The following DSCAM variants were observed in gnomAD, a reference collection of about 807,000 sequenced individuals.
The protein encoded by DSCAM is cell adhesion molecule DSCAM.
A neutral mutation model predicts 217.7 loss-of-function variants in DSCAM; 47 were observed. The observed-to-expected ratio is 0.22, with a 90% CI of 0.17 to 0.28. The LOEUF is 0.28. Ranked by LOEUF, DSCAM falls within the 10% of genes least tolerant of loss-of-function variation. The pLI is 1.00. For synonymous variants in DSCAM, 1,056 were observed against 1,015.3 expected (o/e 1.04, Z -0.76); for missense variants, 2,080 against 2,618.3 (o/e 0.79, Z 4.49).
At chr21:40,178,108 T>C (rs562935633) in intron 15 of DSCAM, among the ~76,000 whole-genome samples, 2 of 152,304 alleles carry the variant, frequency 1.3e-5, no homozygotes, top group Admixed American at 1.3e-4. Context: ...AGTGGCTTCC[T>C]CTCCTCCTGC....
chr21:40,092,192 C>T (rs950280658), intron 21 of DSCAM, among the ~76,000 whole-genome samples: 15 of 152,162 alleles, frequency 9.9e-5, no homozygotes, highest in Admixed American at 9.8e-4. Flanking sequence ...ACCCTCCATA[C>T]TCCCTTCTTC....
At chr21:40,301,925 T>C (rs1344602301) in intron 9 of DSCAM, among the ~76,000 whole-genome samples, 9 of 152,058 alleles carry the variant, frequency 5.9e-5, no homozygotes, top group Non-Finnish European at 7.4e-5. Context: ...GACAGCCTCA[T>C]AGGAGGACTC....
chr21:40,826,422 G>A (rs2091969620), intron 1 of DSCAM, among the ~76,000 whole-genome samples: 1 of 152,230 alleles, frequency 6.6e-6, no homozygotes, highest in Admixed American at 6.5e-5. Flanking sequence ...TGTAGGCAAT[G>A]CTGTGTTTAT....
chr21:40,138,815 T>C lies in DSCAM; in HGVS notation c.3406+3743A>G, dbSNP rs563826224. On this transcript the variant is annotated intron_variant, in intron 18 of 32. Coordinates refer to ENST00000400454, the MANE Select transcript of DSCAM (RefSeq NM_001389.5). ...GTATGTGTGGTATGTGTGGTGTGTG[T>C]ACGTGTGGTGTGGTGTGTGGTGTAT... Among the ~76,000 whole-genome samples the C allele has an allele frequency of 3.0e-3, 433 of 145,232 alleles. 2 individuals are homozygous for C. The highest frequency in any genetic ancestry group is 9.8e-3 in the African/African-American group (379 of 38,772).
At chr21:40,762,967 C>G (rs939025442) in intron 1 of DSCAM, among the ~76,000 whole-genome samples, 1 of 152,176 alleles carries the variant, frequency 6.6e-6, no homozygotes, top group Non-Finnish European at 1.5e-5. Flanking sequence ...CTGTTTATGA[C>G]AAACCCATAG....
At chr21:40,014,755 T>A (rs1240455220) in intron 32 of DSCAM, among the ~76,000 whole-genome samples, 2 of 152,212 alleles carry the variant, frequency 1.3e-5, no homozygotes, top group African/African-American at 4.8e-5. Context: ...ATTTCCCCAA[T>A]AAATTCCTTG....
intron 1 of DSCAM, among the ~76,000 whole-genome samples, chr21:40,820,415 A>C (rs2123589055): frequency 6.6e-6 from 1 of 152,298 alleles, no homozygotes; most frequent in Admixed American, 6.5e-5. Context: ...AACAATGAGA[A>C]CACATGGACA....
intron 11 of DSCAM, among the ~76,000 whole-genome samples, chr21:40,255,718 C>T (rs1222460296): frequency 6.6e-6 from 1 of 152,224 alleles, no homozygotes; most frequent in African/African-American, 2.4e-5. Context: ...TCACCCCACA[C>T]TTGGCTAATT....
chr21:40,056,959 T>C (rs1432552158), intron 28 of DSCAM, among the ~76,000 whole-genome samples: 2 of 152,200 alleles, frequency 1.3e-5, no homozygotes. Context: ...TGAGGACTCA[T>C]CCACTCTTAA....
chr21:40,682,328 G>C (rs61513664), intron 3 of DSCAM, among the ~76,000 whole-genome samples: 68,942 of 151,304 alleles, frequency 0.46, 15,956 homozygotes, highest in African/African-American at 0.5. Context: ...TGGACTTTTA[G>C]ATTGACATAC....
chr21:40,730,876 AT>A (rs5844036), intron 1 of DSCAM, among the ~76,000 whole-genome samples: 70 of 152,372 alleles, frequency 4.6e-4, no homozygotes, highest in African/African-American at 1.7e-3. Context: ...GTTACAAAAT[AT>A]TATGGAATGA....
intron 27 of DSCAM, among the ~76,000 whole-genome samples, chr21:40,067,104 C>A (rs2089216896): frequency 6.6e-6 from 1 of 152,168 alleles, no homozygotes; most frequent in African/African-American, 2.4e-5. Flanking sequence ...AGAACATTTA[C>A]CCTACCCTAC....
At chr21:40,724,143 T>C (rs1025934852) in intron 1 of DSCAM, among the ~76,000 whole-genome samples, 1 of 152,174 alleles carries the variant, frequency 6.6e-6, no homozygotes, top group African/African-American at 2.4e-5. Context: ...GAATCTGTAA[T>C]GAATAATATG....
At chr21:40,480,577 C>T (rs2075973794) in intron 3 of DSCAM, among the ~76,000 whole-genome samples, 1 of 152,240 alleles carries the variant, frequency 6.6e-6, no homozygotes, top group Non-Finnish European at 1.5e-5. Context: ...CTCTCACGTA[C>T]ATTCTGTATT....
chr21:40,459,071 G>GA lies in DSCAM; in HGVS notation c.509-89827dup, dbSNP rs201196415. 2.5e-3 allele frequency among the ~76,000 whole-genome samples: 382 copies of GA among 151,224 alleles called. 1 individual carries two copies. Among genetic ancestry groups the GA allele is most frequent in the African/African-American group, 8.8e-3 (362 of 41,272 alleles). On this transcript the variant is annotated intron_variant, in intron 3 of 32. Coordinates refer to ENST00000400454, the MANE Select transcript of DSCAM (RefSeq NM_001389.5). ...CATAAGCATCCAACTAAAAGAACTAGAAAAAAAATCAATAAAATACGAACA... is the reference window on the plus strand; with the variant it reads ...CATAAGCATCCAACTAAAAGAACTAGAAAAAAAAATCAATAAAATACGAACA...
intron 3 of DSCAM, among the ~76,000 whole-genome samples, chr21:40,599,298 G>C (rs1411366671): frequency 6.6e-6 from 1 of 152,052 alleles, no homozygotes; most frequent in East Asian, 1.9e-4. Flanking sequence ...GTGGTTTGCT[G>C]TACCTATCAA....
At chr21:40,626,087 A>C (rs1165343254) in intron 3 of DSCAM, among the ~76,000 whole-genome samples, 1 of 152,160 alleles carries the variant, frequency 6.6e-6, no homozygotes, top group East Asian at 1.9e-4. Flanking sequence ...ACAGAACCCA[A>C]AATAAAATTA....
At chr21:40,315,618 T>C (rs2074188412) in intron 8 of DSCAM, among the ~76,000 whole-genome samples, 1 of 152,128 alleles carries the variant, frequency 6.6e-6, no homozygotes, top group Non-Finnish European at 1.5e-5. Context: ...ATATTTGCAA[T>C]TCATCAGTGT....
intron 21 of DSCAM, among the ~76,000 whole-genome samples, chr21:40,089,569 C>T (rs1400728170): frequency 6.6e-6 from 1 of 152,202 alleles, no homozygotes; most frequent in Admixed American, 6.5e-5. Context: ...TCCTCTTCTT[C>T]AACTGTATCT....
Sources: gnomAD v4.1 joint callset for allele counts (sites outside exome capture counted in the v4.1 genomes callset) on GRCh38, gnomAD v4.1.1 for gene constraint, MANE v1.5 for transcripts, NCBI Gene and HGNC (gene_info 2026-07-23, HGNC 2026-07-21) for gene names.